Variants in KIRREL3 observed in about 807,000 individuals in gnomAD.
KIRREL3 encodes the protein kirre like nephrin family adhesion molecule 3.
A neutral mutation model predicts 89.7 loss-of-function variants in KIRREL3; 36 were observed. The observed-to-expected ratio is 0.40, with a 90% CI of 0.31 to 0.53. The LOEUF (loss-of-function observed/expected upper bound fraction) is 0.53. KIRREL3 is among the 20% of genes least tolerant of loss of function. KIRREL3 has a pLI of 0.49. For missense variants in KIRREL3, 864 were observed against 1,056.6 expected (o/e 0.82, Z 2.53); for synonymous variants, 445 against 441.4 (o/e 1.01, Z -0.10).
rs1237346798 is a variant in KIRREL3 at position 126,575,050 on chromosome 11, G to T, written c.56-12138C>A. 6.6e-6 allele frequency among the ~76,000 whole-genome samples: 1 copy of T among 152,210 alleles called. No individual in the cohort carries two copies. The highest frequency in any genetic ancestry group is 1.9e-4 in the East Asian group (1 of 5,196). On this transcript the variant is annotated intron_variant, in intron 1 of 16. Coordinates refer to ENST00000525144, the MANE Select transcript of KIRREL3 (RefSeq NM_032531.4). This position sits in a 1 kb window ranked among gnomAD's most constrained non-coding sequence, Gnocchi z 7.0. ...GTCCACAGAGGGTGGTTATGGCAAT[G>T]TGGAGGAGGCCGGTGGCCCAGGGCC...
intron 1 of KIRREL3, among the ~76,000 whole-genome samples, chr11:126,718,689 C>T (rs1478297224): frequency 6.6e-6 from 1 of 152,154 alleles, no homozygotes; most frequent in Non-Finnish European, 1.5e-5. Flanking sequence ...AATCATTTGC[C>T]GTGGGCATGG....
At chr11:126,595,254 C>T (rs531762089) in intron 1 of KIRREL3, among the ~76,000 whole-genome samples, 2 of 152,348 alleles carry the variant, frequency 1.3e-5, no homozygotes, top group Middle Eastern at 3.4e-3. Flanking sequence ...AGTCAGCCTC[C>T]TCTCCAGCCT....
chr11:126,926,633 G>A (rs1947727483), intron 1 of KIRREL3, among the ~76,000 whole-genome samples: 1 of 152,156 alleles, frequency 6.6e-6, no homozygotes. Context: ...AGCTCTGCCT[G>A]GAAGTGTGAT....
Position 126,574,652 on chromosome 11 carries a change from C to T in KIRREL3, c.56-11740G>A, listed in dbSNP as rs371477133. The stretch of plus-strand genomic sequence containing the variant: ...CTAGCAGCCCCACCAGAGCAAAGGA[C>T]GAGGGTGGCTGGGATAGTGTGTGCT... On this transcript the variant is annotated intron_variant, in intron 1 of 16. Coordinates refer to ENST00000525144, the MANE Select transcript of KIRREL3 (RefSeq NM_032531.4). The surrounding 1 kb of genome is among the most constrained non-coding windows in gnomAD (Gnocchi z 5.3). 1.4e-4 allele frequency among the ~76,000 whole-genome samples: 22 copies of T among 152,062 alleles called. No individual in the cohort carries two copies. Among genetic ancestry groups the T allele is most frequent in the South Asian group, 6.2e-4 (3 of 4,828 alleles).
chr11:126,840,846 GA>G (rs1943942354), intron 1 of KIRREL3, among the ~76,000 whole-genome samples: 1 of 152,308 alleles, frequency 6.6e-6, no homozygotes, highest in Admixed American at 6.5e-5. Flanking sequence ...TGGCTCCAAA[GA>G]GCAAGATTAG....
chr11:126,832,701 G>T (rs902018097), intron 1 of KIRREL3, among the ~76,000 whole-genome samples: 1 of 152,164 alleles, frequency 6.6e-6, no homozygotes, highest in African/African-American at 2.4e-5. Context: ...TTGCACGCTG[G>T]GAATGTTTTC....
rs755151997 is a variant in KIRREL3 at position 126,446,863 on chromosome 11, G to T, written c.1021C>A (p.Pro341Thr). The change falls in exon 9 of 17, where the codon CCC becomes ACC. Residue 341 changes from proline (P) to threonine (T), a missense_variant. Transcript: ENST00000525144. Reference protein sequence around the residue: ...VYFGPRMTTEPQSLLVDLGSD... With the variant: ...VYFGPRMTTETQSLLVDLGSD... ...CCCAGATCCACGAGCAAGGATTGGG[G>T]TTCTGTGGTCATCCGGGGCCCAACT... The T allele has an allele frequency of 1.9e-6, 3 of 1,604,760 alleles. No individual in the cohort carries two copies. Among genetic ancestry groups the T allele is most frequent in the Non-Finnish European group, 2.6e-6 (3 of 1,175,840 alleles).
At chr11:126,671,032 A>G (rs1945918964) in intron 1 of KIRREL3, among the ~76,000 whole-genome samples, 1 of 152,182 alleles carries the variant, frequency 6.6e-6, no homozygotes, top group Admixed American at 6.5e-5. Context: ...CCACACAAAT[A>G]AAGGGACAGT....
chr11:126,596,397 G>C (rs556107831), intron 1 of KIRREL3, among the ~76,000 whole-genome samples: 2 of 152,362 alleles, frequency 1.3e-5, no homozygotes, highest in South Asian at 4.1e-4. Context: ...GTGAGGCCCA[G>C]AGAGGTAAAG....
In KIRREL3 at chr11:126,918,386, A is replaced by G. The variant is rs1173044496; in HGVS notation, c.55+82069T>C. Among the ~76,000 whole-genome samples, 1 of 152,222 alleles carries G rather than the reference A, an allele frequency of 6.6e-6. No homozygotes were observed. Among genetic ancestry groups the G allele is most frequent in the African/African-American group, 2.4e-5 (1 of 41,452 alleles). ...GGCAATTTGGTGCCGAATATTTACG[A>G]CAGTGCTTTAGACCATCCAGGTAGT... On this transcript the variant is annotated intron_variant, in intron 1 of 16. Coordinates refer to ENST00000525144, the MANE Select transcript of KIRREL3 (RefSeq NM_032531.4). The surrounding 1 kb of genome is among the most constrained non-coding windows in gnomAD (Gnocchi z 6.5).
chr11:126,523,296 G>T lies in KIRREL3; in HGVS notation c.284-1832C>A, dbSNP rs1399648707. On this transcript the variant is annotated intron_variant, in intron 3 of 16. Transcript: ENST00000525144. The surrounding 1 kb of genome is among the most constrained non-coding windows in gnomAD (Gnocchi z 4.9). Reference sequence around the variant, plus strand: ...AAGATCAGACTAGAGGAGCTTGAAGGCCCCTCTCACCACCATAAGTGAAGG... The same window carrying T: ...AAGATCAGACTAGAGGAGCTTGAAGTCCCCTCTCACCACCATAAGTGAAGG... Among the ~76,000 whole-genome samples, 1 of 152,098 alleles carries T rather than the reference G, an allele frequency of 6.6e-6. No individual in the cohort carries two copies. Among genetic ancestry groups the T allele is most frequent in the Non-Finnish European group, 1.5e-5 (1 of 68,018 alleles).
chr11:126,762,092 C>T (rs933093444), intron 1 of KIRREL3, among the ~76,000 whole-genome samples: 4 of 152,160 alleles, frequency 2.6e-5, no homozygotes, highest in Middle Eastern at 3.4e-3. Flanking sequence ...ATGAGAATCA[C>T]GGAACCCTGG....
Position 126,987,852 on chromosome 11 carries a change from C to T in KIRREL3, c.55+12603G>A, listed in dbSNP as rs913547120. Among the ~76,000 whole-genome samples, 2 of 152,190 alleles carry T rather than the reference C, an allele frequency of 1.3e-5. No individual in the cohort carries two copies. ...CTTAAACCAATATTACAATTTTAAGCATGGCCTGGGTAGACATGTGCCATC... is the reference window on the plus strand; with the variant it reads ...CTTAAACCAATATTACAATTTTAAGTATGGCCTGGGTAGACATGTGCCATC... On this transcript the variant is annotated intron_variant, in intron 1 of 16. Transcript: ENST00000525144. The surrounding 1 kb of genome is among the most constrained non-coding windows in gnomAD (Gnocchi z 4.6).
At chr11:126,426,044 T>G (rs1048364404) in intron 15 of KIRREL3, among the ~76,000 whole-genome samples, 1 of 152,380 alleles carries the variant, frequency 6.6e-6, no homozygotes, top group South Asian at 2.1e-4. Context: ...TTCCATTGAC[T>G]GAACGTTTAT....
intron 7 of KIRREL3, 123 bp downstream of exon 7, chr11:126,456,226 G>A (rs1956339302): frequency 7.6e-6 from 5 of 660,970 alleles, no homozygotes; most frequent in South Asian, 6.9e-5. Context: ...AAGGCTACTG[G>A]ACACGCGGTG....
In KIRREL3 at chr11:126,653,260, C is replaced by A. The variant is rs767194900; in HGVS notation, c.56-90348G>T. On this transcript the variant is annotated intron_variant, in intron 1 of 16. Coordinates refer to ENST00000525144, the MANE Select transcript of KIRREL3 (RefSeq NM_032531.4). The surrounding 1 kb of genome is among the most constrained non-coding windows in gnomAD (Gnocchi z 5.4). Reference sequence around the variant, plus strand: ...GGCCCGTGGTGGCAGAGGATGACGGCTTTGCAGAGGCAGAGGAACGACTGA... The same window carrying A: ...GGCCCGTGGTGGCAGAGGATGACGGATTTGCAGAGGCAGAGGAACGACTGA... 2.0e-5 allele frequency among the ~76,000 whole-genome samples: 3 copies of A among 152,170 alleles called. No homozygotes were observed. Among genetic ancestry groups the A allele is most frequent in the Non-Finnish European group, 4.4e-5 (3 of 68,034 alleles).
chr11:126,703,499 A>C lies in KIRREL3; in HGVS notation c.56-140587T>G, dbSNP rs528869024. Reference sequence around the variant, plus strand: ...CACCCTATATCAGGTAAGTACTGTTATATCTCATCCCCATTTTATAAGTGA... The same window carrying C: ...CACCCTATATCAGGTAAGTACTGTTCTATCTCATCCCCATTTTATAAGTGA... On this transcript the variant is annotated intron_variant, in intron 1 of 16. Coordinates refer to ENST00000525144, the MANE Select transcript of KIRREL3 (RefSeq NM_032531.4). The surrounding 1 kb of genome is among the most constrained non-coding windows in gnomAD (Gnocchi z 4.6). 6.6e-6 allele frequency among the ~76,000 whole-genome samples: 1 copy of C among 152,328 alleles called. No individual in the cohort carries two copies. The highest frequency in any genetic ancestry group is 6.5e-5 in the Admixed American group (1 of 15,302).
At chr11:126,604,792 G>A (rs960180522) in intron 1 of KIRREL3, among the ~76,000 whole-genome samples, 2 of 152,184 alleles carry the variant, frequency 1.3e-5, no homozygotes, top group Non-Finnish European at 2.9e-5. Context: ...GGAGGTCTTC[G>A]AAAGGAGGTG....
chr11:126,976,819 T>A lies in KIRREL3; in HGVS notation c.55+23636A>T, dbSNP rs1949591209. Among the ~76,000 whole-genome samples, 2 of 152,182 alleles carry A rather than the reference T, an allele frequency of 1.3e-5. No homozygotes were observed. The highest frequency in any genetic ancestry group is 2.9e-5 in the Non-Finnish European group (2 of 68,034). ...AGGAGAGGGGAGGTTACTACTGGCATAAGGTTATTACTTCACGGTGGAGCT... is the reference window on the plus strand; with the variant it reads ...AGGAGAGGGGAGGTTACTACTGGCAAAAGGTTATTACTTCACGGTGGAGCT... On this transcript the variant is annotated intron_variant, in intron 1 of 16. Transcript: ENST00000525144. This position sits in a 1 kb window ranked among gnomAD's most constrained non-coding sequence, Gnocchi z 4.2.
Sources: allele counts gnomAD v4.1 joint callset (sites outside exome capture counted in the v4.1 genomes callset), GRCh38; gene constraint gnomAD v4.1.1; non-coding constraint Gnocchi (gnomAD v3.1); transcripts MANE v1.5; gene names NCBI Gene and HGNC (gene_info 2026-07-23, HGNC 2026-07-21).